RORB: variants seen among roughly 807,000 people sequenced by gnomAD.
The protein encoded by RORB is RAR related orphan receptor B, also known as nuclear receptor ROR-beta.
In RORB, 6 loss-of-function variants were observed where a neutral mutation model predicts 59.1. The observed-to-expected ratio is 0.10, with a 90% CI of 0.06 to 0.20. The LOEUF is 0.20. Among genes scored for constraint, RORB ranks in the 10% least tolerant of loss-of-function variants. RORB has a pLI of 1.00. For missense variants in RORB, 320 were observed against 560.5 expected (o/e 0.57, Z 4.33); for synonymous variants, 215 against 204.5 (o/e 1.05, Z -0.44).
intron 1 of RORB, among the ~76,000 whole-genome samples, chr9:74,511,323 A>G (rs1412147655): frequency 6.6e-6 from 1 of 152,326 alleles, no homozygotes; most frequent in East Asian, 1.9e-4. Flanking sequence ...GCAAAATTGT[A>G]TGTACTATAT....
intron 7 of RORB, among the ~76,000 whole-genome samples, chr9:74,665,864 C>A (rs1374249665): frequency 6.6e-6 from 1 of 152,148 alleles, no homozygotes; most frequent in Admixed American, 6.5e-5. Flanking sequence ...AATGGAGGCC[C>A]AGCGTGGTGG....
chr9:74,669,885 T>G (rs1422572771), intron 8 of RORB, among the ~76,000 whole-genome samples: 1 of 152,234 alleles, frequency 6.6e-6, no homozygotes, highest in Non-Finnish European at 1.5e-5. Context: ...CACCAATGTC[T>G]ACAGTTTTTA....
At chr9:74,547,470 G>T (rs1022211695) in intron 1 of RORB, among the ~76,000 whole-genome samples, 26 of 152,200 alleles carry the variant, frequency 1.7e-4, no homozygotes, top group African/African-American at 6.0e-4. Context: ...AAAATTGGAG[G>T]TTTATCACAG....
At chr9:74,509,137 T>G (rs1455477980) in intron 1 of RORB, among the ~76,000 whole-genome samples, 1 of 151,970 alleles carries the variant, frequency 6.6e-6, no homozygotes, top group East Asian at 1.9e-4. Context: ...CAGGATCCCC[T>G]TGGGTAAACC....
intron 4 of RORB, among the ~76,000 whole-genome samples, chr9:74,654,854 T>G (rs1427926134): frequency 6.6e-6 from 1 of 152,148 alleles, no homozygotes; most frequent in Non-Finnish European, 1.5e-5. Flanking sequence ...GGAAAAAGTT[T>G]TATGTGTTTA....
chr9:74,637,373 T>C (rs1435116478), intron 3 of RORB, among the ~76,000 whole-genome samples: 1 of 152,236 alleles, frequency 6.6e-6, no homozygotes, highest in Non-Finnish European at 1.5e-5. Context: ...TATCGGTTTA[T>C]TAGCTATCGA....
chr9:74,576,592 C>T (rs374834029), intron 1 of RORB, among the ~76,000 whole-genome samples: 1 of 152,118 alleles, frequency 6.6e-6, no homozygotes, highest in South Asian at 2.1e-4. Context: ...GCAGGGAAAC[C>T]TCTGGATTTC....
At chr9:74,659,017 T>C (rs1418965836) in intron 4 of RORB, among the ~76,000 whole-genome samples, 4 of 152,186 alleles carry the variant, frequency 2.6e-5, no homozygotes, top group African/African-American at 9.6e-5. Context: ...TTCTGCAGGA[T>C]GGATTGCAGA....
chr9:74,538,248 T>A (rs1301955476), intron 1 of RORB, among the ~76,000 whole-genome samples: 2 of 152,092 alleles, frequency 1.3e-5, no homozygotes, highest in Non-Finnish European at 2.9e-5. Context: ...TACACAACAA[T>A]GAAATCACCT....
chr9:74,633,248 C>T (rs752162448), intron 2 of RORB, among the ~76,000 whole-genome samples: 2 of 152,134 alleles, frequency 1.3e-5, no homozygotes, highest in East Asian at 1.9e-4. Context: ...AAATTTTAGG[C>T]GACCTTTAAA....
chr9:74,551,974 C>T (rs1826616157), intron 1 of RORB, among the ~76,000 whole-genome samples: 1 of 152,064 alleles, frequency 6.6e-6, no homozygotes, highest in Non-Finnish European at 1.5e-5. Context: ...GGTATCACTA[C>T]ACAAGAGGCT....
At chr9:74,668,543 G>A (rs1268866182) in intron 8 of RORB, among the ~76,000 whole-genome samples, 2 of 152,156 alleles carry the variant, frequency 1.3e-5, no homozygotes, top group South Asian at 2.1e-4. Flanking sequence ...CGGAAGCCTC[G>A]CTGATCACAT....
At chr9:74,545,634 G>T (rs4745338) in intron 1 of RORB, among the ~76,000 whole-genome samples, 142,943 of 152,234 alleles carry the variant, frequency 0.94, 67,769 homozygotes, top group East Asian at 1. Context: ...GGAGAGAGGT[G>T]GTAGAAAACT....
chr9:74,616,126 T>C (rs1429677660), intron 1 of RORB, among the ~76,000 whole-genome samples: 1 of 152,196 alleles, frequency 6.6e-6, no homozygotes, highest in Non-Finnish European at 1.5e-5. Context: ...TTATTAACTA[T>C]GAGGTGAATT....
Position 74,627,809 on chromosome 9 carries a change from C to A in RORB, c.8-2473C>A, listed in dbSNP as rs546597397. Reference sequence around the variant, plus strand: ...GAAAGGTTATTGCTAAAAAAAAAAACCATAGTACAAATGACTTGCTGTGTC... The same window carrying A: ...GAAAGGTTATTGCTAAAAAAAAAAAACATAGTACAAATGACTTGCTGTGTC... On this transcript the variant is annotated intron_variant, in intron 1 of 9. Transcript: ENST00000376896. Among the ~76,000 whole-genome samples the A allele has an allele frequency of 6.0e-5, 9 of 150,716 alleles. No homozygotes were observed. The South Asian group carries it at 1.1e-3, about 18-fold the overall frequency.
intron 5 of RORB, among the ~76,000 whole-genome samples, chr9:74,661,855 C>A (rs1485778761): frequency 2.0e-5 from 3 of 151,828 alleles, no homozygotes; most frequent in African/African-American, 7.3e-5. Flanking sequence ...CCATGTTAGC[C>A]AGGATGGTGT....
rs1383590414 is a variant in RORB at position 74,689,407 on chromosome 9, A to C, written c.*3789A>C. ...GCCTGAGCCACTGCGCCCTGCCTTC[A>C]GTGGCTCTTTTATCCCCCAAAGACT... On this transcript the variant is annotated 3_prime_UTR_variant, in exon 10 of 10. Coordinates refer to ENST00000376896, the MANE Select transcript of RORB (RefSeq NM_006914.4). 2 of 152,232 alleles carry C rather than the reference A, an allele frequency of 1.3e-5. No individual in the cohort carries two copies. The highest frequency in any genetic ancestry group is 4.8e-5 in the African/African-American group (2 of 41,440). 9.4% of individuals were successfully genotyped at this position (152,232 alleles called of 1,614,324 possible).
At chr9:74,679,070 C>CA (rs887902470) in intron 9 of RORB, among the ~76,000 whole-genome samples, 2 of 139,820 alleles carry the variant, frequency 1.4e-5, no homozygotes, top group African/African-American at 2.6e-5. Context: ...AAAAAAAAAA[C>CA]AAAAAAACCA....
chr9:74,629,093 T>C (rs1461931960), intron 1 of RORB, among the ~76,000 whole-genome samples: 1 of 152,106 alleles, frequency 6.6e-6, no homozygotes, highest in Non-Finnish European at 1.5e-5. Flanking sequence ...CGTTTCCATG[T>C]CGGTTCCCTT....
Sources: allele counts gnomAD v4.1 joint callset (sites outside exome capture counted in the v4.1 genomes callset), GRCh38; gene constraint gnomAD v4.1.1; transcripts MANE v1.5; gene names NCBI Gene and HGNC (gene_info 2026-07-23, HGNC 2026-07-21).